Variants in LHFPL3 observed in about 807,000 individuals in gnomAD.
LHFPL3 encodes the protein LHFPL tetraspan subfamily member 3.
Under a neutral mutation model 19.3 loss-of-function variants are expected in LHFPL3, and 5 were observed. That is an observed-to-expected ratio of 0.26 (90% confidence interval 0.14 to 0.54). The LOEUF (loss-of-function observed/expected upper bound fraction) is 0.54. Among genes scored for constraint, LHFPL3 ranks in the 20% least tolerant of loss-of-function variants. LHFPL3 has a pLI of 0.94. For missense variants in LHFPL3, 249 were observed against 307.4 expected (o/e 0.81, Z 1.42); for synonymous variants, 133 against 126.2 (o/e 1.05, Z -0.36).
chr7:104,756,412 CA>C (rs1355262756), intron 2 of LHFPL3, among the ~76,000 whole-genome samples: 1 of 152,122 alleles, frequency 6.6e-6, no homozygotes, highest in African/African-American at 2.4e-5. Flanking sequence ...TCTTTTTAGA[CA>C]AATCTTTTCT....
At chr7:104,644,704 C>T (rs1239108736) in intron 1 of LHFPL3, among the ~76,000 whole-genome samples, 2 of 151,608 alleles carry the variant, frequency 1.3e-5, no homozygotes, top group Non-Finnish European at 2.9e-5. Context: ...TTGGAGCAGA[C>T]TCTTCTCCCT....
intron 1 of LHFPL3, among the ~76,000 whole-genome samples, chr7:104,566,020 G>A (rs565524079): frequency 6.6e-6 from 1 of 152,096 alleles, no homozygotes; most frequent in Non-Finnish European, 1.5e-5. Context: ...TAGGAACTGG[G>A]AGGAAAGCTC....
At chr7:104,658,295 T>C (rs529354588) in intron 1 of LHFPL3, among the ~76,000 whole-genome samples, 2 of 152,246 alleles carry the variant, frequency 1.3e-5, no homozygotes, top group Non-Finnish European at 2.9e-5. Flanking sequence ...AAGAAATACC[T>C]GTTCCCAACA....
intron 2 of LHFPL3, among the ~76,000 whole-genome samples, chr7:104,876,627 C>G (rs1256953598): frequency 1.3e-5 from 2 of 151,782 alleles, no homozygotes; most frequent in Non-Finnish European, 2.9e-5. Context: ...CAGGAAACAA[C>G]AGGTGCTGGA....
At chr7:104,339,290 T>C (rs1367535684) in intron 1 of LHFPL3, among the ~76,000 whole-genome samples, 3 of 152,092 alleles carry the variant, frequency 2.0e-5, no homozygotes, top group African/African-American at 7.2e-5. Flanking sequence ...ATACTAACTA[T>C]TGAGCAACGA....
chr7:104,886,656 C>T (rs1370277035), intron 2 of LHFPL3, among the ~76,000 whole-genome samples: 1 of 152,240 alleles, frequency 6.6e-6, no homozygotes, highest in African/African-American at 2.4e-5. Flanking sequence ...TGAACCACTG[C>T]GCCCAGCCTC....
chr7:104,354,264 C>T (rs1480368215), intron 1 of LHFPL3, among the ~76,000 whole-genome samples: 1 of 152,368 alleles, frequency 6.6e-6, no homozygotes, highest in Admixed American at 6.5e-5. Flanking sequence ...GTTGCGTCCA[C>T]CACATTTCCG....
intron 2 of LHFPL3, among the ~76,000 whole-genome samples, chr7:104,901,274 C>T (rs1792478240): frequency 6.6e-6 from 1 of 152,168 alleles, no homozygotes; most frequent in Non-Finnish European, 1.5e-5. Context: ...AATTTTACTC[C>T]CCCAACAAAG....
chr7:104,801,963 T>A (rs1017812806), intron 2 of LHFPL3, among the ~76,000 whole-genome samples: 6 of 152,148 alleles, frequency 3.9e-5, no homozygotes, highest in South Asian at 2.1e-4. Flanking sequence ...ACAAGAAAAA[T>A]GCTATTTTTT....
At position 104,563,037 on chromosome 7, in the gene LHFPL3, A is replaced by G. The variant is rs575426650; in HGVS notation, c.446-173638A>G. ...ACCCACTTGAGGAGACAGTCTGCCC[A>G]TTCTCAGATCTCCAGCTGCGTGCTG... is the stretch of plus-strand genomic sequence containing the variant. On this transcript the variant is annotated intron_variant, in intron 1 of 2. Coordinates refer to ENST00000424859, the MANE Select transcript of LHFPL3 (RefSeq NM_199000.3). Among the ~76,000 whole-genome samples the G allele has an allele frequency of 2.8e-3, 427 of 152,150 alleles. 2 individuals carry two copies. The highest frequency in any genetic ancestry group is 4.6e-3 in the East Asian group (24 of 5,170).
At chr7:104,715,668 T>C (rs975424990) in intron 1 of LHFPL3, among the ~76,000 whole-genome samples, 2 of 152,228 alleles carry the variant, frequency 1.3e-5, no homozygotes, top group Non-Finnish European at 2.9e-5. Flanking sequence ...TTTTATCCAT[T>C]ATTCTGTTAT....
At chr7:104,650,030 A>G (rs1182183764) in intron 1 of LHFPL3, among the ~76,000 whole-genome samples, 2 of 152,222 alleles carry the variant, frequency 1.3e-5, no homozygotes, top group Non-Finnish European at 2.9e-5. Context: ...CAGGGGCAAG[A>G]GAGCAGACTT....
At chr7:104,431,515 A>T (rs186881070) in intron 1 of LHFPL3, among the ~76,000 whole-genome samples, 1 of 151,846 alleles carries the variant, frequency 6.6e-6, no homozygotes, top group Non-Finnish European at 1.5e-5. Flanking sequence ...CACTTATTTG[A>T]TCATTTTATT....
At chr7:104,688,566 A>AC (rs1792847444) in intron 1 of LHFPL3, among the ~76,000 whole-genome samples, 1 of 112,480 alleles carries the variant, frequency 8.9e-6, no homozygotes, top group Admixed American at 9.8e-5. Flanking sequence ...CAGCCTCCCC[A>AC]CCCCCCTGTG....
At chr7:104,737,785 C>T (rs1274499323) in intron 2 of LHFPL3, among the ~76,000 whole-genome samples, 1 of 152,056 alleles carries the variant, frequency 6.6e-6, no homozygotes, top group Non-Finnish European at 1.5e-5. Context: ...TGAGTGGCTC[C>T]TTCTTCTAGC....
intron 1 of LHFPL3, chr7:104,668,145 C>A: frequency 6.2e-7 from 1 of 1,614,082 alleles, no homozygotes; most frequent in Non-Finnish European, 8.5e-7. Context: ...ACCCAGCAAT[C>A]CAGAGAGGCT....
chr7:104,643,814 G>A (rs1220462345), intron 1 of LHFPL3, among the ~76,000 whole-genome samples: 2 of 152,216 alleles, frequency 1.3e-5, no homozygotes, highest in Non-Finnish European at 2.9e-5. Flanking sequence ...TCAGTGTAAA[G>A]CTTCCAAAAA....
intron 1 of LHFPL3, among the ~76,000 whole-genome samples, chr7:104,346,959 C>A (rs1790079197): frequency 6.7e-6 from 1 of 149,408 alleles, no homozygotes; most frequent in African/African-American, 2.5e-5. Context: ...GCCAGAACAT[C>A]TGGGTTTGTG....
At chr7:104,582,384 C>A (rs1207400443) in intron 1 of LHFPL3, among the ~76,000 whole-genome samples, 4 of 151,874 alleles carry the variant, frequency 2.6e-5, no homozygotes, top group Non-Finnish European at 2.9e-5. Context: ...TCAGTATTTT[C>A]TACTTAAATA....
Sources: gnomAD v4.1 joint callset for allele counts (sites outside exome capture counted in the v4.1 genomes callset) on GRCh38, gnomAD v4.1.1 for gene constraint, MANE v1.5 for transcripts, NCBI Gene and HGNC (gene_info 2026-07-23, HGNC 2026-07-21) for gene names.